Variants in PEBP4 observed in about 807,000 individuals in gnomAD.
PEBP4 encodes the protein phosphatidylethanolamine binding protein 4.
A neutral mutation model predicts 23.9 loss-of-function variants in PEBP4; 22 were observed. The observed-to-expected ratio is 0.92, with a 90% CI of 0.66 to 1.31. The LOEUF is 1.31. Ranked by LOEUF, PEBP4 falls within the 40% of genes most tolerant of loss-of-function variation. PEBP4 has a pLI of 0.00. For synonymous variants in PEBP4, 112 were observed against 99.3 expected (o/e 1.13, Z -0.76); for missense variants, 324 against 281.7 (o/e 1.15, Z -1.07).
chr8:22,938,305 G>A (rs1809567325), intron 1 of PEBP4, among the ~76,000 whole-genome samples: 1 of 152,020 alleles, frequency 6.6e-6, no homozygotes, highest in Admixed American at 6.5e-5. Context: ...CCCACCTCTA[G>A]GCCTTTTTGC....
chr8:22,866,898 T>G (rs1461174014), intron 3 of PEBP4, among the ~76,000 whole-genome samples: 1 of 152,074 alleles, frequency 6.6e-6, no homozygotes, highest in African/African-American at 2.4e-5. Context: ...CTAGTGGAAG[T>G]GGAGGAGCTA....
chr8:22,938,881 C>T (rs577237152), intron 1 of PEBP4, among the ~76,000 whole-genome samples: 2 of 152,292 alleles, frequency 1.3e-5, no homozygotes, highest in Middle Eastern at 3.4e-3. Flanking sequence ...CTTAATAAAT[C>T]GTTACATAAA....
At chr8:22,912,879 G>C (rs1278530582) in intron 3 of PEBP4, among the ~76,000 whole-genome samples, 1 of 152,268 alleles carries the variant, frequency 6.6e-6, no homozygotes, top group East Asian at 1.9e-4. Context: ...GACCTGATTC[G>C]TCCTTGCCTG....
chr8:22,829,772 T>C (rs1025567289), intron 3 of PEBP4, among the ~76,000 whole-genome samples: 3 of 152,098 alleles, frequency 2.0e-5, no homozygotes, highest in African/African-American at 7.2e-5. Context: ...CCCCATATCC[T>C]CCCCTGCTTT....
chr8:22,842,660 A>T (rs1807352689), intron 3 of PEBP4, among the ~76,000 whole-genome samples: 2 of 151,952 alleles, frequency 1.3e-5, no homozygotes, highest in Admixed American at 1.3e-4. Flanking sequence ...CAGCCATAGG[A>T]AGGGTGTGCA....
chr8:22,939,688 G>A (rs574056825), intron 1 of PEBP4, among the ~76,000 whole-genome samples: 1 of 151,878 alleles, frequency 6.6e-6, no homozygotes, highest in South Asian at 2.1e-4. Flanking sequence ...TGATGGGGCT[G>A]GCAAAGAGAG....
intron 3 of PEBP4, among the ~76,000 whole-genome samples, chr8:22,879,879 T>C (rs1333113018): frequency 3.3e-5 from 5 of 152,266 alleles, no homozygotes; most frequent in Non-Finnish European, 7.3e-5. Context: ...CTGGTGTGTT[T>C]ATTTCATGGC....
At chr8:22,746,093 G>A (rs1366618515) in intron 4 of PEBP4, among the ~76,000 whole-genome samples, 2 of 151,416 alleles carry the variant, frequency 1.3e-5, no homozygotes, top group Non-Finnish European at 2.9e-5. Context: ...GGCAGGAGAA[G>A]CCTTTTCATA....
chr8:22,925,335 C>G lies in PEBP4; in HGVS notation c.131+2249G>C, dbSNP rs558179366. 1.5e-5 allele frequency: 15 copies of G among 985,298 alleles called. No homozygotes were observed. In the African/African-American group the frequency reaches 2.6e-4, roughly 17 times the overall value. The allele number at this position is 985,298 out of a possible 1,614,324, so 61.0% of individuals were successfully genotyped here. On this transcript the variant is annotated intron_variant, in intron 2 of 6. Coordinates refer to ENST00000256404, the MANE Select transcript of PEBP4 (RefSeq NM_144962.3). ...TTGACTCGAGTCTGGGAGCCCTGAA[C>G]CTGGGGTGAAGGTTGTCAGAAGCAG...
At chr8:22,746,340 T>C (rs1469028965) in intron 4 of PEBP4, among the ~76,000 whole-genome samples, 1 of 152,164 alleles carries the variant, frequency 6.6e-6, no homozygotes, top group Non-Finnish European at 1.5e-5. Context: ...ACTTTGGGTC[T>C]GGAAAGCCAC....
intron 4 of PEBP4, among the ~76,000 whole-genome samples, chr8:22,731,813 G>A (rs191737853): frequency 4.8e-4 from 72 of 150,038 alleles, no homozygotes; most frequent in African/African-American, 1.6e-3. Context: ...TGCCTGCCAT[G>A]GCGCCCGGCT....
intron 3 of PEBP4, among the ~76,000 whole-genome samples, chr8:22,915,968 G>C (rs890494902): frequency 4.6e-5 from 7 of 152,138 alleles, no homozygotes; most frequent in African/African-American, 1.7e-4. Context: ...CTCCACCATG[G>C]GCCAATGAGG....
intron 3 of PEBP4, among the ~76,000 whole-genome samples, chr8:22,878,891 T>C (rs1011386981): frequency 2.6e-5 from 4 of 152,308 alleles, no homozygotes; most frequent in African/African-American, 9.6e-5. Context: ...GCATCCAGAA[T>C]GATGTTGGGC....
At chr8:22,760,512 TG>T (rs1805485687) in intron 4 of PEBP4, among the ~76,000 whole-genome samples, 1 of 151,546 alleles carries the variant, frequency 6.6e-6, no homozygotes, top group Non-Finnish European at 1.5e-5. Flanking sequence ...GAAGAGGCCA[TG>T]GGGGTTGAGG....
chr8:22,924,586 A>T (rs1809283862), intron 2 of PEBP4: 1 of 886,984 alleles, frequency 1.1e-6, no homozygotes, highest in South Asian at 5.2e-5. Flanking sequence ...CAAGAAGAGC[A>T]GCAGGGCCTC....
At chr8:22,868,058 T>A (rs575788778) in intron 3 of PEBP4, among the ~76,000 whole-genome samples, 1 of 152,270 alleles carries the variant, frequency 6.6e-6, no homozygotes, top group African/African-American at 2.4e-5. Flanking sequence ...GTTTGATAAG[T>A]GGCTGCCGAC....
chr8:22,740,524 C>T (rs73551901), intron 4 of PEBP4, among the ~76,000 whole-genome samples: 57,541 of 152,044 alleles, frequency 0.38, 11,141 homozygotes, highest in East Asian at 0.48. Flanking sequence ...CCCCTCAGCA[C>T]CACCACAGCA....
chr8:22,929,493 G>T (rs1809420907), upstream of PEBP4, among the ~76,000 whole-genome samples: 1 of 152,240 alleles, frequency 6.6e-6, no homozygotes, highest in African/African-American at 2.4e-5. Flanking sequence ...CCCACTTCCA[G>T]TGGCGGTTCT....
chr8:22,767,866 A>C (rs1449338296), intron 4 of PEBP4, among the ~76,000 whole-genome samples: 2 of 152,046 alleles, frequency 1.3e-5, no homozygotes, highest in African/African-American at 4.8e-5. Context: ...CAGCCTCCTG[A>C]GTATCTGGGA....
Sources: allele counts gnomAD v4.1 joint callset (sites outside exome capture counted in the v4.1 genomes callset), GRCh38; gene constraint gnomAD v4.1.1; transcripts MANE v1.5; gene names NCBI Gene and HGNC (gene_info 2026-07-23, HGNC 2026-07-21).